C6orf52: variants seen among roughly 807,000 people sequenced by gnomAD.
The protein encoded by C6orf52 is chromosome 6 open reading frame 52, also known as putative uncharacterized protein C6orf52.
Under a neutral mutation model 16.6 loss-of-function variants are expected in C6orf52, and 16 were observed. The observed-to-expected ratio is 0.96, with a 90% CI of 0.65 to 1.46. C6orf52 has a LOEUF of 1.46. Ranked by LOEUF, C6orf52 falls within the 40% of genes most tolerant of loss-of-function variation. The pLI is 0.00. For synonymous variants in C6orf52, 53 were observed against 61.4 expected (o/e 0.86, Z 0.64); for missense variants, 166 against 182.3 (o/e 0.91, Z 0.52).
chr6:10,672,544 T>A (rs1387392070), intron 4 of C6orf52: 1 of 699,366 alleles, frequency 1.4e-6, no homozygotes, highest in South Asian at 1.5e-5. Flanking sequence ...CAGCAACTCA[T>A]ACCTGTAACC....
Position 10,683,178 on chromosome 6 carries a change from TTA to T in C6orf52, c.316+7_316+8del. On this transcript the variant is annotated splice_region_variant and intron_variant, in intron 4 of 4. Coordinates refer to ENST00000259983, the MANE Select transcript of C6orf52 (RefSeq NM_001145020.3). The stretch of plus-strand genomic sequence containing the variant: ...GTTTCCAACCACTTCAGCACAAGGT[TTA>T]TGTTACCTTCTAGTGGGTCTTCATC... 2 of 1,536,966 alleles carry T rather than the reference TTA, an allele frequency of 1.3e-6. No individual in the cohort carries two copies. The highest frequency in any genetic ancestry group is 1.4e-5 in the African/African-American group (1 of 72,574).
intron 4 of C6orf52, among the ~76,000 whole-genome samples, chr6:10,682,751 C>A (rs761289160): frequency 3.3e-5 from 5 of 152,108 alleles, no homozygotes; most frequent in Non-Finnish European, 5.9e-5. Flanking sequence ...CTTTCCAAAA[C>A]AAATTGAGAA....
At chr6:10,683,449 C>T (rs1484752771) in intron 3 of C6orf52, among the ~76,000 whole-genome samples, 1 of 152,170 alleles carries the variant, frequency 6.6e-6, no homozygotes, top group Non-Finnish European at 1.5e-5. Flanking sequence ...CACAGAAGAA[C>T]TGTCACAAAG....
At position 10,674,307 on chromosome 6, in the gene C6orf52, G is replaced by A. The variant is rs1324532485; in HGVS notation, c.317-2709C>T. 2.0e-5 allele frequency among the ~76,000 whole-genome samples: 3 copies of A among 152,234 alleles called. No individual in the cohort carries two copies. The East Asian group carries it at 5.8e-4, about 29-fold the overall frequency. On this transcript the variant is annotated intron_variant, in intron 4 of 4. Transcript: ENST00000259983. ...GGTTTCAACATATGAATTTGGCGAG[G>A]GGGAGGAACACAAATTCAGTCCATA...
At chr6:10,683,055 T>G in intron 4 of C6orf52, 132 bp downstream of exon 4, 1 of 551,880 alleles carries the variant, frequency 1.8e-6, no homozygotes, top group Non-Finnish European at 3.2e-6. Context: ...GAGAAATTAC[T>G]GAAGCATATG....
chr6:10,692,566 G>C (rs919257679), intron 1 of C6orf52, among the ~76,000 whole-genome samples: 1 of 151,944 alleles, frequency 6.6e-6, no homozygotes, highest in African/African-American at 2.4e-5. Context: ...TCACCCTCCC[G>C]AGTAGCTGGG....
chr6:10,687,371 A>G (rs1768946034), intron 2 of C6orf52, 109 bp downstream of exon 2: 4 of 899,776 alleles, frequency 4.4e-6, no homozygotes, highest in Non-Finnish European at 6.9e-6. Context: ...CTGCACATGT[A>G]CCCCAGAACT....
chr6:10,678,005 C>G (rs1768043796), intron 4 of C6orf52, among the ~76,000 whole-genome samples: 1 of 151,318 alleles, frequency 6.6e-6, no homozygotes, highest in African/African-American at 2.4e-5. Flanking sequence ...TGGAGAAGCC[C>G]CATCTCTACT....
intron 1 of C6orf52, among the ~76,000 whole-genome samples, chr6:10,691,321 T>G (rs1195660812): frequency 6.6e-6 from 1 of 152,116 alleles, no homozygotes; most frequent in African/African-American, 2.4e-5. Flanking sequence ...GCTCCCCAAG[T>G]GAGTAATTCC....
At chr6:10,691,811 T>G (rs1214152554) in intron 1 of C6orf52, among the ~76,000 whole-genome samples, 1 of 152,172 alleles carries the variant, frequency 6.6e-6, no homozygotes, top group African/African-American at 2.4e-5. Context: ...TGTAATTGGT[T>G]CCACTGATTT....
intron 4 of C6orf52, among the ~76,000 whole-genome samples, chr6:10,676,167 T>A (rs1186180985): frequency 5.3e-5 from 8 of 152,108 alleles, no homozygotes; most frequent in Admixed American, 4.6e-4. Context: ...AACTTATCCC[T>A]GTAACCAAAA....
chr6:10,694,592 GCCCC>G lies in C6orf52; in HGVS notation c.-114_-111del. 1.2e-4 allele frequency: 21 copies of G among 180,796 alleles called. No homozygotes were observed. Among genetic ancestry groups the G allele is most frequent in the South Asian group, 4.8e-4 (5 of 10,502 alleles). The allele number at this position is 180,796 out of a possible 1,614,324, so 11.2% of individuals were successfully genotyped here. A position where few individuals can be genotyped will look rare whatever the true frequency, so the allele number is the denominator to read the frequency against. Reference sequence around the variant, plus strand: ...AACAATGCACGCTGCCGGCGCTACAGCCCCTAAGCAACCGGCCGGAAGTCGGCCC... The same window carrying G: ...AACAATGCACGCTGCCGGCGCTACAGTAAGCAACCGGCCGGAAGTCGGCCC... On this transcript the variant is annotated 5_prime_UTR_variant, in exon 1 of 5. Transcript: ENST00000259983.
chr6:10,687,902 A>G (rs1768996785), intron 1 of C6orf52, among the ~76,000 whole-genome samples: 1 of 152,176 alleles, frequency 6.6e-6, no homozygotes, highest in South Asian at 2.1e-4. Context: ...AATGAAGGAT[A>G]GTCTCCACTC....
chr6:10,675,137 C>T (rs1280216457), intron 4 of C6orf52, among the ~76,000 whole-genome samples: 1 of 152,076 alleles, frequency 6.6e-6, no homozygotes, highest in Non-Finnish European at 1.5e-5. Flanking sequence ...CGGTATTCCT[C>T]CTAGCTAACT....
rs142073017 is a variant in C6orf52 at position 10,684,890 on chromosome 6, C to A, written c.271-1658G>T. The A allele has an allele frequency of 1.2e-5, 15 of 1,288,820 alleles. No individual in the cohort carries two copies. In the Admixed American group the frequency reaches 3.5e-4, roughly 30 times the overall value. The allele number at this position is 1,288,820 out of a possible 1,614,324, so 79.8% of individuals were successfully genotyped here. ...CAGCAGCTTCCCAACAGGGGACACC[C>A]AGCAGGATGGCAGGCAGATGGCACA... is the stretch of plus-strand genomic sequence containing the variant. On this transcript the variant is annotated intron_variant, in intron 3 of 4. Coordinates refer to ENST00000259983, the MANE Select transcript of C6orf52 (RefSeq NM_001145020.3).
rs575942969 is a variant in C6orf52 at position 10,678,133 on chromosome 6, G to A, written c.316+5054C>T. On this transcript the variant is annotated intron_variant, in intron 4 of 4. Coordinates refer to ENST00000259983, the MANE Select transcript of C6orf52 (RefSeq NM_001145020.3). ...CTGGAGGAGGCGGTTGCAGTGAGCC[G>A]AGCTCAAACACCACTGCCCTCCAGC... Among the ~76,000 whole-genome samples the A allele has an allele frequency of 1.3e-3, 194 of 145,582 alleles. 1 individual carries two copies. Among genetic ancestry groups the A allele is most frequent in the East Asian group, 0.012 (61 of 4,908 alleles).
chr6:10,687,595 T>C, intron 1 of C6orf52, 34 bp from the exon 2 acceptor site: 1 of 1,362,424 alleles, frequency 7.3e-7, no homozygotes, highest in Non-Finnish European at 1.0e-6. Context: ...CAGTTTTTAT[T>C]CCTGCGTCAA....
chr6:10,673,385 A>ATC (rs1351657084), intron 4 of C6orf52, among the ~76,000 whole-genome samples: 5 of 152,234 alleles, frequency 3.3e-5, no homozygotes, highest in Admixed American at 6.5e-5. Flanking sequence ...TAATTATATC[A>ATC]TCCCTAAACC....
At chr6:10,678,791 A>AT (rs1561870450) in intron 4 of C6orf52, among the ~76,000 whole-genome samples, 2 of 152,068 alleles carry the variant, frequency 1.3e-5, no homozygotes, top group Non-Finnish European at 2.9e-5. Context: ...TTTTAAAAAA[A>AT]TTTTTTTAAA....
Sources: allele counts gnomAD v4.1 joint callset (sites outside exome capture counted in the v4.1 genomes callset), GRCh38; gene constraint gnomAD v4.1.1; transcripts MANE v1.5; gene names NCBI Gene and HGNC (gene_info 2026-07-23, HGNC 2026-07-21).